RALGAPB: variants seen among roughly 807,000 people sequenced by gnomAD.
RALGAPB encodes the protein Ral GTPase activating protein non-catalytic subunit beta, also known as ral GTPase-activating protein subunit beta.
A neutral mutation model predicts 161.1 loss-of-function variants in RALGAPB; 25 were observed. The ratio of observed to expected loss-of-function variants is 0.16; its 90% confidence interval spans 0.11 to 0.22. The LOEUF is 0.22. RALGAPB is among the 10% of genes least tolerant of loss of function. The pLI, the probability that RALGAPB is intolerant of heterozygous loss-of-function variation, is 1.00. For missense variants in RALGAPB, 1,391 were observed against 1,815.2 expected, an observed-to-expected ratio of 0.77 and a Z score of 4.25; for synonymous variants, 629 against 626.1, an observed-to-expected ratio of 1.00 and a Z score of -0.07.
chr20:38,503,795 A>T (rs2085666606), intron 5 of RALGAPB, among the ~76,000 whole-genome samples: 1 of 152,204 alleles, frequency 6.6e-6, no homozygotes, highest in African/African-American at 2.4e-5. Context: ...GAGTCAGTCC[A>T]TGTGGCACAC....
At chr20:38,509,304 A>G in intron 6 of RALGAPB, 96 bp downstream of exon 6, 1 of 1,321,282 alleles carries the variant, frequency 7.6e-7, no homozygotes. Flanking sequence ...CAGAAGGTGG[A>G]CACTAAGCCC....
At chr20:38,536,152 C>G (rs908996275) in intron 16 of RALGAPB, among the ~76,000 whole-genome samples, 1 of 152,166 alleles carries the variant, frequency 6.6e-6, no homozygotes, top group Non-Finnish European at 1.5e-5. Context: ...CTCCGCACCC[C>G]CTCCTCTGAC....
At chr20:38,516,872 T>A (rs1446127813) in intron 7 of RALGAPB, among the ~76,000 whole-genome samples, 2 of 152,342 alleles carry the variant, frequency 1.3e-5, no homozygotes, top group East Asian at 3.9e-4. Flanking sequence ...AAAAGTCAAT[T>A]TTTTAACCTG....
At chr20:38,518,898 T>G (rs1427962865) in intron 9 of RALGAPB, among the ~76,000 whole-genome samples, 1 of 152,216 alleles carries the variant, frequency 6.6e-6, no homozygotes, top group African/African-American at 2.4e-5. Flanking sequence ...GACTGTCAGT[T>G]CCAAGGATAA....
In RALGAPB at chr20:38,567,712, T is replaced by C. The variant is rs533503334; in HGVS notation, c.3954+480T>C. Among the ~76,000 whole-genome samples the C allele has an allele frequency of 7.9e-5, 12 of 152,294 alleles. No individual in the cohort carries two copies. The East Asian group carries it at 2.3e-3, about 29-fold the overall frequency. Reference sequence around the variant, plus strand: ...TTTTTGCTTTATCTTTTTTCTTACCTTATCAGCAAATGTTACTTTATCTGT... The same window carrying C: ...TTTTTGCTTTATCTTTTTTCTTACCCTATCAGCAAATGTTACTTTATCTGT... On this transcript the variant is annotated intron_variant, in intron 26 of 29. Transcript: ENST00000262879.
At chr20:38,483,479 C>T (rs1958500749) in intron 1 of RALGAPB, among the ~76,000 whole-genome samples, 1 of 152,202 alleles carries the variant, frequency 6.6e-6, no homozygotes, top group African/African-American at 2.4e-5. Context: ...TGTAATACTA[C>T]AGTGAGCATC....
At chr20:38,552,686 A>G (rs1268632392) in intron 21 of RALGAPB, among the ~76,000 whole-genome samples, 2 of 152,128 alleles carry the variant, frequency 1.3e-5, no homozygotes, top group Non-Finnish European at 2.9e-5. Context: ...AAGGAGGGAA[A>G]TTGAAGAAGT....
At chr20:38,573,077 CT>C (rs201320569) in intron 28 of RALGAPB, among the ~76,000 whole-genome samples, 544 of 142,212 alleles carry the variant, frequency 3.8e-3, no homozygotes, top group Middle Eastern at 0.011. Flanking sequence ...TTGTTTTCAT[CT>C]TTTTTTTTTT....
rs142850054 is a variant in RALGAPB at position 38,517,904 on chromosome 20, A to G, written c.1321A>G (p.Asn441Asp). 4 of 1,613,960 alleles carry G rather than the reference A, an allele frequency of 2.5e-6. No individual in the cohort carries two copies. Among genetic ancestry groups the G allele is most frequent in the Non-Finnish European group, 3.4e-6 (4 of 1,179,898 alleles). The change falls in exon 9 of 30, where the codon AAC becomes GAC. Residue 441 changes from asparagine to aspartate, a missense_variant. This residue lies in a region of RALGAPB where 946 missense variants were observed against 1,257.2 expected (regional missense o/e 0.75). Transcript: ENST00000262879. ...PLPAPRRPKV[N>D]SILNLFGSWL... ...GCCTGCCCCTCGGAGACCAAAGGTT[A>G]ACAGCATCTTGAATCTCTTTGGATC... is the stretch of plus-strand genomic sequence containing the variant.
At chr20:38,473,382 A>G (rs181206616) in intron 1 of RALGAPB, among the ~76,000 whole-genome samples, 68 of 152,276 alleles carry the variant, frequency 4.5e-4, no homozygotes, top group African/African-American at 1.6e-3. Context: ...CAACTCCCGC[A>G]AAGAATTTGG....
chr20:38,500,814 G>C (rs547203404), intron 5 of RALGAPB, among the ~76,000 whole-genome samples: 74 of 152,232 alleles, frequency 4.9e-4, no homozygotes, highest in African/African-American at 1.7e-3. Context: ...AGCAAAACAG[G>C]CTTATTTATG....
intron 2 of RALGAPB, among the ~76,000 whole-genome samples, chr20:38,490,444 G>A (rs771567409): frequency 6.6e-6 from 1 of 150,964 alleles, no homozygotes; most frequent in Admixed American, 6.6e-5. Flanking sequence ...TCCTGACCTC[G>A]TGATCTGCCC....
chr20:38,475,471 G>C (rs1468621772), intron 1 of RALGAPB, among the ~76,000 whole-genome samples: 1 of 152,162 alleles, frequency 6.6e-6, no homozygotes, highest in Non-Finnish European at 1.5e-5. Context: ...TTAAAACCAT[G>C]TAAGGATTTG....
intron 12 of RALGAPB, 65 bp from the exon 13 acceptor site, chr20:38,525,830 C>T: frequency 4.0e-6 from 6 of 1,511,098 alleles, no homozygotes; most frequent in Non-Finnish European, 5.5e-6. Flanking sequence ...CTCCATCTAG[C>T]TGTTCCCACA....
intron 24 of RALGAPB, among the ~76,000 whole-genome samples, chr20:38,565,141 T>A (rs1472203661): frequency 6.6e-6 from 1 of 152,180 alleles, no homozygotes; most frequent in Non-Finnish European, 1.5e-5. Context: ...TGGTCTGATA[T>A]ACAGTCGTTT....
At chr20:38,500,882 TA>T (rs1473821270) in intron 5 of RALGAPB, among the ~76,000 whole-genome samples, 25 of 152,208 alleles carry the variant, frequency 1.6e-4, no homozygotes, top group Non-Finnish European at 3.2e-4. Context: ...AACATTTTCT[TA>T]AGCCAAAGCG....
At chr20:38,539,350 A>G (rs750167123) in intron 16 of RALGAPB, among the ~76,000 whole-genome samples, 1 of 152,198 alleles carries the variant, frequency 6.6e-6, no homozygotes, top group Non-Finnish European at 1.5e-5. Context: ...TACTTATGTC[A>G]GAATTGACCA....
At chr20:38,530,963 A>G (rs932496336) in intron 13 of RALGAPB, among the ~76,000 whole-genome samples, 7 of 151,662 alleles carry the variant, frequency 4.6e-5, no homozygotes, top group African/African-American at 1.5e-4. Flanking sequence ...GATCTCCAAA[A>G]AACTTTCTAA....
At chr20:38,558,704 T>G (rs1218120096) in intron 23 of RALGAPB, among the ~76,000 whole-genome samples, 1 of 152,156 alleles carries the variant, frequency 6.6e-6, no homozygotes, top group Non-Finnish European at 1.5e-5. Context: ...TTTACAGAAA[T>G]AACATTGATT....
Sources: allele counts gnomAD v4.1 joint callset (sites outside exome capture counted in the v4.1 genomes callset), GRCh38; gene constraint gnomAD v4.1.1; regional missense constraint gnomAD v4.1.1; transcripts MANE v1.5; gene names NCBI Gene and HGNC (gene_info 2026-07-23, HGNC 2026-07-21).